Variants in GFOD1 observed in about 807,000 individuals in gnomAD.
The protein encoded by GFOD1 is Gfo/Idh/MocA-like oxidoreductase domain containing 1.
A neutral mutation model predicts 25.4 loss-of-function variants in GFOD1; 9 were observed. The observed-to-expected ratio is 0.35, with a 90% CI of 0.21 to 0.62. The LOEUF is 0.62. Ranked by LOEUF, GFOD1 falls within the 20% of genes least tolerant of loss-of-function variation. The probability of loss-of-function intolerance (pLI) is 0.72; values close to 1 mark genes in which losing one functional copy is unlikely to be tolerated. For synonymous variants in GFOD1, 253 were observed against 245.6 expected (o/e 1.03, Z -0.28); for missense variants, 403 against 556.9 (o/e 0.72, Z 2.78).
intron 1 of GFOD1, among the ~76,000 whole-genome samples, chr6:13,434,070 G>A (rs1562217957): frequency 6.6e-6 from 1 of 152,266 alleles, no homozygotes; most frequent in South Asian, 2.1e-4. Context: ...TGTGGGGCAA[G>A]TGGAGGCCAC....
At chr6:13,426,315 C>T (rs1172220617) in intron 1 of GFOD1, among the ~76,000 whole-genome samples, 1 of 152,210 alleles carries the variant, frequency 6.6e-6, no homozygotes, top group African/African-American at 2.4e-5. Context: ...GATATGAGAG[C>T]CAGGAAGCCA....
At chr6:13,418,382 C>T (rs1786197309) in intron 1 of GFOD1, among the ~76,000 whole-genome samples, 1 of 152,228 alleles carries the variant, frequency 6.6e-6, no homozygotes. Context: ...CTGATTGACA[C>T]ATCACTGATC....
At chr6:13,399,489 C>T (rs1785801348) in intron 1 of GFOD1, among the ~76,000 whole-genome samples, 1 of 152,120 alleles carries the variant, frequency 6.6e-6, no homozygotes, top group African/African-American at 2.4e-5. Context: ...CATCCAACAG[C>T]AGCTGAATAG....
chr6:13,460,237 T>C (rs766101290), intron 1 of GFOD1, among the ~76,000 whole-genome samples: 7 of 152,262 alleles, frequency 4.6e-5, no homozygotes, highest in African/African-American at 7.2e-5. Flanking sequence ...AGCTCAACCA[T>C]TGTGGAAGAC....
chr6:13,374,265 T>TGTGTG (rs1554199391), intron 1 of GFOD1, among the ~76,000 whole-genome samples: 10 of 116,492 alleles, frequency 8.6e-5, no homozygotes, highest in Admixed American at 5.6e-4. Flanking sequence ...TAAAAATATG[T>TGTGTG]TTTTTTTTTG....
intron 1 of GFOD1, among the ~76,000 whole-genome samples, chr6:13,421,816 G>T (rs1298622085): frequency 6.6e-6 from 1 of 152,196 alleles, no homozygotes; most frequent in Non-Finnish European, 1.5e-5. Flanking sequence ...TCCTGCCTAC[G>T]GAGGATCTCT....
At chr6:13,465,551 T>A (rs750558598) in intron 1 of GFOD1, among the ~76,000 whole-genome samples, 1 of 152,194 alleles carries the variant, frequency 6.6e-6, no homozygotes, top group Admixed American at 6.5e-5. Flanking sequence ...TTCTTAACAT[T>A]GAGGAGCTTT....
At chr6:13,366,382 C>G (rs1785047914) in intron 1 of GFOD1, among the ~76,000 whole-genome samples, 1 of 152,124 alleles carries the variant, frequency 6.6e-6, no homozygotes, top group African/African-American at 2.4e-5. Context: ...ATCACCCAGG[C>G]TGGAGTGCAA....
chr6:13,450,513 A>G (rs1036814111), intron 1 of GFOD1, among the ~76,000 whole-genome samples: 4 of 152,210 alleles, frequency 2.6e-5, no homozygotes, highest in African/African-American at 9.6e-5. Context: ...GAGAAGGTGC[A>G]TGGGATGAAG....
intron 1 of GFOD1, among the ~76,000 whole-genome samples, chr6:13,464,595 C>T (rs13196546): frequency 0.15 from 23,401 of 152,094 alleles, 2,038 homozygotes; most frequent in South Asian, 0.26. Context: ...CACACTTTTC[C>T]GGATGCTCCT....
intron 1 of GFOD1, among the ~76,000 whole-genome samples, chr6:13,462,832 C>G (rs1681077877): frequency 6.6e-6 from 1 of 152,148 alleles, no homozygotes; most frequent in Non-Finnish European, 1.5e-5. Flanking sequence ...ACCTATGCAC[C>G]AAACTGCCAC....
chr6:13,424,131 T>G (rs1786310265), intron 1 of GFOD1, among the ~76,000 whole-genome samples: 1 of 152,234 alleles, frequency 6.6e-6, no homozygotes, highest in South Asian at 2.1e-4. Context: ...GTGCTGGGAT[T>G]ACAGGCGTGA....
chr6:13,446,345 G>C (rs1249588053), intron 1 of GFOD1, among the ~76,000 whole-genome samples: 2 of 152,186 alleles, frequency 1.3e-5, no homozygotes, highest in Non-Finnish European at 2.9e-5. Flanking sequence ...AGGAGAATGA[G>C]GGGGAAAGCA....
intron 1 of GFOD1, among the ~76,000 whole-genome samples, chr6:13,386,752 T>A (rs1785484010): frequency 6.6e-6 from 1 of 152,330 alleles, no homozygotes; most frequent in East Asian, 1.9e-4. Flanking sequence ...GTCCCAGTCC[T>A]GACTCAGCCA....
intron 1 of GFOD1, among the ~76,000 whole-genome samples, chr6:13,433,773 C>G (rs1170663651): frequency 5.3e-5 from 8 of 152,112 alleles, no homozygotes; most frequent in Admixed American, 1.3e-4. Flanking sequence ...CTTCAGTGCA[C>G]TGCCAACAGC....
At chr6:13,465,588 C>G (rs912288744) in intron 1 of GFOD1, among the ~76,000 whole-genome samples, 2 of 152,150 alleles carry the variant, frequency 1.3e-5, no homozygotes, top group African/African-American at 4.8e-5. Context: ...TAGTTCCTAC[C>G]CTCAGAGACG....
chr6:13,376,362 C>A (rs765101845), intron 1 of GFOD1, among the ~76,000 whole-genome samples: 1 of 152,164 alleles, frequency 6.6e-6, no homozygotes, highest in African/African-American at 2.4e-5. Context: ...ATGACAACTA[C>A]TGTACCTCGG....
intron 1 of GFOD1, among the ~76,000 whole-genome samples, chr6:13,429,884 C>G (rs758740663): frequency 1.3e-5 from 2 of 152,020 alleles, no homozygotes; most frequent in Non-Finnish European, 2.9e-5. Context: ...CACACACATG[C>G]ATGTATAGAG....
At position 13,486,926 on chromosome 6, in the gene GFOD1, G is replaced by A; in HGVS notation, c.-36C>T. The A allele has an allele frequency of 6.3e-7, 1 of 1,593,520 alleles. No individual in the cohort carries two copies. Among genetic ancestry groups the A allele is most frequent in the South Asian group, 1.1e-5 (1 of 89,614 alleles). On this transcript the variant is annotated 5_prime_UTR_variant, in exon 1 of 2. Transcript: ENST00000379287. ...AGCCGCCTGGTTCTGCTTCTGCTCGGATCTCCAGTCCAACGCGCGCACACA... is the reference window on the plus strand; with the variant it reads ...AGCCGCCTGGTTCTGCTTCTGCTCGAATCTCCAGTCCAACGCGCGCACACA...
Sources: allele counts gnomAD v4.1 joint callset (sites outside exome capture counted in the v4.1 genomes callset), GRCh38; gene constraint gnomAD v4.1.1; transcripts MANE v1.5; gene names NCBI Gene and HGNC (gene_info 2026-07-23, HGNC 2026-07-21).